DDX50: variants seen among roughly 807,000 people sequenced by gnomAD.
DDX50 encodes DExD-box helicase 50, also known as ATP-dependent RNA helicase DDX50.
DDX50 carries 56 observed loss-of-function variants against 94.8 expected under a neutral mutation model. The ratio of observed to expected loss-of-function variants is 0.59; its 90% CI spans 0.48 to 0.74. DDX50 has a LOEUF of 0.74. Ranked by LOEUF, DDX50 falls within the 30% of genes least tolerant of loss-of-function variation. The pLI, the probability that DDX50 is intolerant of heterozygous loss-of-function variation, is 0.00. For synonymous variants in DDX50, 264 were observed against 295.4 expected (o/e 0.89, Z 1.09); for missense variants, 713 against 881.2 (o/e 0.81, Z 2.42).
chr10:68,913,070 G>T, intron 4 of DDX50, 92 bp from the exon 5 acceptor site: 1 of 952,324 alleles, frequency 1.1e-6, no homozygotes, highest in Non-Finnish European at 1.6e-6. Flanking sequence ...TGAGATTCCT[G>T]GTTTTAAATG....
rs764727641 is a variant in DDX50 at position 68,911,052 on chromosome 10, A to T, written c.461-16A>T. 39 of 1,460,784 alleles carry T rather than the reference A, an allele frequency of 2.7e-5. No homozygotes were observed. The highest frequency in any genetic ancestry group is 2.4e-4 in the Middle Eastern group (1 of 4,232). 90.5% of individuals were successfully genotyped at this position (1,460,784 alleles called of 1,614,324 possible). A position where few individuals can be genotyped will look rare whatever the true frequency, so the allele number is the denominator to read the frequency against. On this transcript the variant is annotated splice_polypyrimidine_tract_variant and intron_variant, in intron 3 of 14. Coordinates refer to ENST00000373585, the MANE Select transcript of DDX50 (RefSeq NM_024045.2). ...CTAGTCGTAAAGAAGTATTTTAATTAAATCTCATTTTACAGGTCGAGGGGT... is the reference window on the plus strand; with the variant it reads ...CTAGTCGTAAAGAAGTATTTTAATTTAATCTCATTTTACAGGTCGAGGGGT...
At chr10:68,922,337 G>C (rs909833219) in intron 8 of DDX50, among the ~76,000 whole-genome samples, 1 of 151,726 alleles carries the variant, frequency 6.6e-6, no homozygotes, top group Non-Finnish European at 1.5e-5. Context: ...TCAAAATTTC[G>C]CATTTTTAAA....
chr10:68,931,758 T>C (rs1842280627), intron 8 of DDX50, among the ~76,000 whole-genome samples: 1 of 152,036 alleles, frequency 6.6e-6, no homozygotes, highest in South Asian at 2.1e-4. Flanking sequence ...ATTTTTCTGC[T>C]TATAATCATT....
At chr10:68,907,317 C>CTTT (rs59316500) in intron 2 of DDX50, among the ~76,000 whole-genome samples, 17 of 130,486 alleles carry the variant, frequency 1.3e-4, no homozygotes, top group South Asian at 4.8e-4. Context: ...TTTCTTTTTT[C>CTTT]TTTTTTTTTT....
Position 68,901,316 on chromosome 10 carries a change from CT to C in DDX50, c.-66del. The C allele has an allele frequency of 6.9e-7, 1 of 1,446,316 alleles. No individual in the cohort carries two copies. The highest frequency in any genetic ancestry group is 2.5e-5 in the Admixed American group (1 of 39,334). The allele number at this position is 1,446,316 out of a possible 1,614,324, so 89.6% of individuals were successfully genotyped here. On this transcript the variant is annotated 5_prime_UTR_variant, in exon 1 of 15. Coordinates refer to ENST00000373585, the MANE Select transcript of DDX50 (RefSeq NM_024045.2). ...CGGGCGGCCGCCTTGCCCCCGCTTC[CT>C]TTCACGCTGTCGCTGCCCGTAGGTG...
intron 12 of DDX50, among the ~76,000 whole-genome samples, chr10:68,940,330 G>T (rs915850531): frequency 2.7e-5 from 4 of 150,018 alleles, no homozygotes; most frequent in African/African-American, 7.4e-5. Context: ...AGTGAGCTGA[G>T]ATCGTGCCAC....
chr10:68,915,540 A>C (rs1225190434), intron 7 of DDX50, among the ~76,000 whole-genome samples: 1 of 152,092 alleles, frequency 6.6e-6, no homozygotes, highest in East Asian at 1.9e-4. Context: ...ACATGGCGAT[A>C]CCTCGTCTCT....
At chr10:68,924,124 A>G (rs924972572) in intron 8 of DDX50, among the ~76,000 whole-genome samples, 1 of 150,274 alleles carries the variant, frequency 6.7e-6, no homozygotes. Flanking sequence ...AGTCGGTGGC[A>G]CCACGCCCAG....
chr10:68,944,683 A>G (rs1300817527), intron 14 of DDX50, among the ~76,000 whole-genome samples: 1 of 152,078 alleles, frequency 6.6e-6, no homozygotes, highest in Non-Finnish European at 1.5e-5. Flanking sequence ...AGTAGCTGGG[A>G]CTACAGGCAA....
intron 7 of DDX50, 58 bp downstream of exon 7, chr10:68,914,262 T>C: frequency 6.3e-7 from 1 of 1,587,068 alleles, no homozygotes; most frequent in African/African-American, 1.4e-5. Flanking sequence ...ACTTTTGACA[T>C]TTGTTGAAGC....
intron 7 of DDX50, among the ~76,000 whole-genome samples, chr10:68,917,893 G>A (rs1024966499): frequency 1.3e-5 from 2 of 151,828 alleles, no homozygotes; most frequent in Non-Finnish European, 2.9e-5. Context: ...GTGAGCCACT[G>A]TACCTGGCCT....
intron 12 of DDX50, among the ~76,000 whole-genome samples, chr10:68,937,928 G>A (rs776868423): frequency 1.3e-4 from 20 of 152,004 alleles, no homozygotes; most frequent in South Asian, 8.3e-4. Context: ...TCGAAACACC[G>A]TGATATCATC....
At chr10:68,917,645 G>A (rs919027410) in intron 7 of DDX50, among the ~76,000 whole-genome samples, 21 of 151,942 alleles carry the variant, frequency 1.4e-4, no homozygotes, top group African/African-American at 1.2e-4. Context: ...CTGTCGCCCC[G>A]GCTGCAGTGC....
At chr10:68,940,941 A>G (rs578017878) in intron 12 of DDX50, 119 bp from the exon 13 acceptor site, 60 of 1,357,284 alleles carry the variant, frequency 4.4e-5, no homozygotes, top group East Asian at 4.0e-4. Context: ...TTTAGCTGCA[A>G]TGTTATACTT....
At chr10:68,901,541 C>A in intron 1 of DDX50, 70 bp downstream of exon 1, 1 of 1,470,042 alleles carries the variant, frequency 6.8e-7, no homozygotes, top group Non-Finnish European at 9.2e-7. Context: ...ACTGTCTGTC[C>A]CTGATGATGG....
intron 2 of DDX50, 49 bp from the exon 3 acceptor site, chr10:68,910,258 A>C: frequency 7.2e-7 from 1 of 1,395,104 alleles, no homozygotes; most frequent in East Asian, 2.3e-5. Flanking sequence ...ACAGTAAATG[A>C]GGAAGAGTTG....
In DDX50 at chr10:68,914,041, T is replaced by C; in HGVS notation, c.944-18T>C. 1 of 1,557,314 alleles carries C rather than the reference T, an allele frequency of 6.4e-7. No individual in the cohort carries two copies. Among genetic ancestry groups the C allele is most frequent in the Non-Finnish European group, 8.6e-7 (1 of 1,158,954 alleles). On this transcript the variant is annotated intron_variant, in intron 6 of 14. Coordinates refer to ENST00000373585, the MANE Select transcript of DDX50 (RefSeq NM_024045.2). Reference sequence around the variant, plus strand: ...TGGGAAATTAAGAAAACATTTGAATTCTTTTTGTTTATTTAAGATTCTGAA... The same window carrying C: ...TGGGAAATTAAGAAAACATTTGAATCCTTTTTGTTTATTTAAGATTCTGAA...
chr10:68,946,545 G>A lies in DDX50; in HGVS notation c.2129G>A (p.Arg710His), dbSNP rs576789694. The A allele has an allele frequency of 1.1e-5, 17 of 1,614,208 alleles. No homozygotes were observed. The highest frequency in any genetic ancestry group is 4.5e-5 in the East Asian group (2 of 44,888). Residue 710 changes from arginine (R) to histidine (H), a missense_variant, in exon 15 of 15, where the codon CGC becomes CAC. Transcript: ENST00000373585. The part of the protein sequence containing the change: ...RSGRQSRQGS[R>H]SGSRQDGRRR... ...GGTAGACAGAGTCGACAAGGAAGTC[G>A]CTCAGGAAGTCGACAAGATGGTAGA... is the stretch of plus-strand genomic sequence containing the variant.
intron 4 of DDX50, among the ~76,000 whole-genome samples, chr10:68,912,348 A>G (rs1841650377): frequency 6.6e-6 from 1 of 152,044 alleles, no homozygotes; most frequent in Non-Finnish European, 1.5e-5. Context: ...TCCAGTAGGT[A>G]GGACTGCAGG....
Sources: allele counts gnomAD v4.1 joint callset (sites outside exome capture counted in the v4.1 genomes callset), GRCh38; gene constraint gnomAD v4.1.1; transcripts MANE v1.5; gene names NCBI Gene and HGNC (gene_info 2026-07-23, HGNC 2026-07-21).